The following DGLUCY variants were observed in gnomAD, a reference collection of about 807,000 sequenced individuals.
DGLUCY encodes the protein D-glutamate cyclase, mitochondrial.
In DGLUCY, 58 loss-of-function variants were observed where a neutral mutation model predicts 58.5. That is an observed-to-expected ratio of 0.99 (90% CI 0.80 to 1.23). DGLUCY has a LOEUF of 1.23. Ranked by LOEUF, DGLUCY falls within the 50% of genes most tolerant of loss-of-function variation. The probability of loss-of-function intolerance (pLI) is 0.00; values close to 1 mark genes in which losing one functional copy is unlikely to be tolerated. For missense variants in DGLUCY, 779 were observed against 784.7 expected (o/e 0.99, Z 0.09); for synonymous variants, 325 against 314.1 (o/e 1.03, Z -0.37).
chr14:91,198,000 A>G (rs2050320980), intron 10 of DGLUCY, among the ~76,000 whole-genome samples: 1 of 152,220 alleles, frequency 6.6e-6, no homozygotes, highest in Non-Finnish European at 1.5e-5. Flanking sequence ...GATTTTTGAA[A>G]AACACTGTCT....
At chr14:91,187,274 A>G (rs2049580900) in intron 8 of DGLUCY, among the ~76,000 whole-genome samples, 2 of 152,278 alleles carry the variant, frequency 1.3e-5, no homozygotes, top group South Asian at 4.1e-4. Context: ...CTGGGATTAC[A>G]GGCGTGAGCC....
At chr14:91,176,610 GT>G (rs2048868184) in intron 7 of DGLUCY, among the ~76,000 whole-genome samples, 1 of 151,802 alleles carries the variant, frequency 6.6e-6, no homozygotes. Flanking sequence ...TGGTTTTTTG[GT>G]TTTGTTGAGA....
intron 1 of DGLUCY, among the ~76,000 whole-genome samples, chr14:91,155,960 C>T (rs189429381): frequency 1.4e-4 from 22 of 152,250 alleles, no homozygotes; most frequent in Admixed American, 1.4e-3. Flanking sequence ...CTGAGGGCAC[C>T]ACTGATACCA....
In DGLUCY at chr14:91,181,206, A is replaced by G; in HGVS notation, c.751A>G (p.Ser251Gly). 3 of 1,614,156 alleles carry G rather than the reference A, an allele frequency of 1.9e-6. No individual in the cohort carries two copies. The highest frequency in any genetic ancestry group is 2.5e-6 in the Non-Finnish European group (3 of 1,180,014). The change falls in exon 8 of 14, where the codon AGC (serine) becomes GGC (glycine). Residue 251 changes from serine to glycine, a missense_variant. Ser to Gly is a moderately conservative substitution (Grantham distance 56, BLOSUM62 0). Coordinates refer to ENST00000256324, the MANE Select transcript of DGLUCY (RefSeq NM_001102368.3). ...SSCETPLAFA[S>G]IPGCTVMTDL... ...TTTAGAGACCCCACTGGCTTTTGCC[A>G]GCATCCCAGGCTGCACAGTTATGAC... is the stretch of plus-strand genomic sequence containing the variant.
At chr14:91,065,188 A>G (rs771614903) in intron 1 of DGLUCY, among the ~76,000 whole-genome samples, 18 of 152,196 alleles carry the variant, frequency 1.2e-4, no homozygotes, top group African/African-American at 1.9e-4. Context: ...AACAGCCACT[A>G]TGAGAAATAG....
At chr14:91,223,830 C>T in intron 13 of DGLUCY, 1 of 585,244 alleles carries the variant, frequency 1.7e-6, no homozygotes. Flanking sequence ...CTAAAGGAGG[C>T]ATGATGAGTA....
At chr14:91,220,501 G>A (rs1887296527) in intron 13 of DGLUCY, 2 of 456,258 alleles carry the variant, frequency 4.4e-6, no homozygotes, top group South Asian at 1.5e-5. Flanking sequence ...GCAGCAGGTG[G>A]CCTATGCCAA....
intron 12 of DGLUCY, among the ~76,000 whole-genome samples, chr14:91,207,025 G>A (rs1378403583): frequency 6.6e-6 from 1 of 151,952 alleles, no homozygotes; most frequent in Non-Finnish European, 1.5e-5. Context: ...AGGTGTCGTG[G>A]TGCATACCTA....
intron 1 of DGLUCY, among the ~76,000 whole-genome samples, chr14:91,151,279 G>A (rs759336447): frequency 4.6e-5 from 7 of 151,986 alleles, no homozygotes; most frequent in African/African-American, 1.2e-4. Context: ...TCGCTCTGTC[G>A]CCCAGGCTGG....
intron 1 of DGLUCY, among the ~76,000 whole-genome samples, chr14:91,143,145 G>T (rs1041292404): frequency 6.6e-6 from 1 of 151,502 alleles, no homozygotes; most frequent in Non-Finnish European, 1.5e-5. Context: ...GCCCAGGCTG[G>T]AGTGCAGTGG....
rs145981801 is a variant in DGLUCY, at chr14:91,070,135, T to C, written c.-82+9431T>C. ...CCCAGGAAAAACTGGTAGTGTTCCT[T>C]TGAAGAACCAGTATGATAGTAGGGA... On this transcript the variant is annotated intron_variant, in intron 1 of 4. Coordinates refer to the DGLUCY transcript ENST00000521334. Among the ~76,000 whole-genome samples the C allele has an allele frequency of 9.9e-4, 150 of 152,254 alleles. 2 individuals carry two copies. In the East Asian group the frequency reaches 0.024, roughly 25 times the overall value.
intron 1 of DGLUCY, among the ~76,000 whole-genome samples, chr14:91,155,657 G>A (rs1430560402): frequency 6.6e-6 from 1 of 152,086 alleles, no homozygotes; most frequent in Non-Finnish European, 1.5e-5. Flanking sequence ...TTAGATGGGC[G>A]TGGTGGTGCT....
intron 1 of DGLUCY, among the ~76,000 whole-genome samples, chr14:91,151,095 G>GT (rs1378628784): frequency 6.6e-6 from 1 of 152,216 alleles, no homozygotes; most frequent in East Asian, 1.9e-4. Flanking sequence ...ACTTATTTCA[G>GT]TTTGCATAAC....
chr14:91,074,740 T>C (rs1480528080), intron 1 of DGLUCY, among the ~76,000 whole-genome samples: 1 of 152,218 alleles, frequency 6.6e-6, no homozygotes, highest in Non-Finnish European at 1.5e-5. Flanking sequence ...CAGTATTCTC[T>C]AATATTATTT....
At position 91,215,866 on chromosome 14, in the gene DGLUCY, G is replaced by A. The variant is rs1214518209; in HGVS notation, c.1716+310G>A. On this transcript the variant is annotated intron_variant, in intron 13 of 13. Transcript: ENST00000256324. ...GGGGGTGGTCAGCATTGTTGTTGGA[G>A]GAACCGAATGCCTCACCCATGGTGG... The A allele has an allele frequency of 1.4e-5, 11 of 763,690 alleles. No homozygotes were observed. The East Asian group carries it at 5.0e-4, about 35-fold the overall frequency. The allele number at this position is 763,690 out of a possible 1,614,324, so 47.3% of individuals were successfully genotyped here.
intron 1 of DGLUCY, among the ~76,000 whole-genome samples, chr14:91,083,078 T>C (rs1319450249): frequency 6.6e-6 from 1 of 152,110 alleles, no homozygotes; most frequent in Non-Finnish European, 1.5e-5. Context: ...CTCAGAAAGA[T>C]CTACAGGCAT....
intron 1 of DGLUCY, among the ~76,000 whole-genome samples, chr14:91,122,867 A>G (rs1243930637): frequency 6.6e-6 from 1 of 152,160 alleles, no homozygotes; most frequent in Non-Finnish European, 1.5e-5. Context: ...TCAGCCTCCC[A>G]AAGTGCTGGG....
rs79310291 is a variant in DGLUCY at position 91,091,866 on chromosome 14, G to C, written c.-82+31162G>C. Among the ~76,000 whole-genome samples, 788 of 152,124 alleles carry C rather than the reference G, an allele frequency of 5.2e-3. 6 individuals are homozygous for C. The highest frequency in any genetic ancestry group is 6.8e-3 in the Middle Eastern group (2 of 294). ...AGCCAGGCTGAGCATTTTGGGACAC[G>C]GCCTTCCTTCAACTCTCCTCTGCTC... On this transcript the variant is annotated intron_variant, in intron 1 of 4. Coordinates refer to the DGLUCY transcript ENST00000521334.
chr14:91,180,363 G>A (rs1454808129), intron 7 of DGLUCY, among the ~76,000 whole-genome samples: 3 of 151,716 alleles, frequency 2.0e-5, no homozygotes. Flanking sequence ...CCTGAGGTCA[G>A]GAGTTTGAGA....
Sources: gnomAD v4.1 joint callset for allele counts (sites outside exome capture counted in the v4.1 genomes callset) on GRCh38, gnomAD v4.1.1 for gene constraint, MANE v1.5 for transcripts, NCBI Gene and HGNC (gene_info 2026-07-23, HGNC 2026-07-21) for gene names.